CHRNE: variants seen among roughly 807,000 people sequenced by gnomAD.
The protein encoded by CHRNE is acetylcholine receptor subunit epsilon.
In CHRNE, 58 loss-of-function variants were observed where a neutral mutation model predicts 56.5. The observed-to-expected ratio is 1.03, with a 90% CI of 0.83 to 1.28. The LOEUF (loss-of-function observed/expected upper bound fraction) is 1.28. CHRNE is among the 50% of genes most tolerant of loss of function. CHRNE has a pLI of 0.00. For missense variants in CHRNE, 793 were observed against 688.9 expected (o/e 1.15, Z -1.69); for synonymous variants, 385 against 297.9 (o/e 1.29, Z -3.01).
In CHRNE at chr17:4,898,770, G is replaced by C; in HGVS notation, c.1448C>G (p.Pro483Arg). The C allele has an allele frequency of 6.2e-7, 1 of 1,610,906 alleles. No individual in the cohort carries two copies. The highest frequency in any genetic ancestry group is 8.5e-7 in the Non-Finnish European group (1 of 1,178,958). ...GATACACGGCGCGTAGGGGAGATCAGGCACTCGGTTGAAGTAGGCCCCGAG... is the reference window on the plus strand; with the variant it reads ...GATACACGGCGCGTAGGGGAGATCACGCACTCGGTTGAAGTAGGCCCCGAG... ...IFLGAYFNRVPDLPYAPCIQP is the reference protein window; with the variant it reads ...IFLGAYFNRVRDLPYAPCIQP Residue 483 changes from proline (P) to arginine (R), a missense_variant, in exon 12 of 12, where the codon CCT (proline) becomes CGT (arginine). By Grantham distance (103) the Pro-to-Arg change is moderately radical. Transcript: ENST00000649488.
chr17:4,903,140 G>A, upstream of CHRNE: 1 of 1,455,572 alleles, frequency 6.9e-7, no homozygotes, highest in South Asian at 1.2e-5. Flanking sequence ...TGTGTGAGGG[G>A]GAGGAGGGTG....
At chr17:4,904,003 GCA>G (rs1970055849), upstream of CHRNE, among the ~76,000 whole-genome samples, 2 of 152,136 alleles carry the variant, frequency 1.3e-5, no homozygotes, top group African/African-American at 4.8e-5. Flanking sequence ...GACTACAGGC[GCA>G]TGCCACCATG....
chr17:4,897,888 C>CCCTT lies in CHRNE; in HGVS notation c.*844_*847dup, dbSNP rs1478245676. 1 of 150,990 alleles carries CCCTT rather than the reference C, an allele frequency of 6.6e-6. No homozygotes were observed. Among genetic ancestry groups the CCCTT allele is most frequent in the African/African-American group, 2.4e-5 (1 of 41,274 alleles). 9.4% of individuals were successfully genotyped at this position (150,990 alleles called of 1,614,324 possible). ...CCCCCCTCTCCTCTTCTAGCCCATG[C>CCCTT]CCTTCCCCGGTGGAGGGAGGGAGCA... On this transcript the variant is annotated 3_prime_UTR_variant, in exon 12 of 12. Transcript: ENST00000649488.
chr17:4,904,212 G>C (rs140258635), upstream of CHRNE, among the ~76,000 whole-genome samples: 864 of 147,862 alleles, frequency 5.8e-3, 9 homozygotes, highest in African/African-American at 0.021. Context: ...TGCAGGGGGT[G>C]GGGGGACAGG....
chr17:4,904,275 C>T (rs574429078), upstream of CHRNE, among the ~76,000 whole-genome samples: 3 of 151,922 alleles, frequency 2.0e-5, no homozygotes, highest in South Asian at 2.1e-4. Context: ...TAGTTCACTG[C>T]GGCTCTCAAA....
At chr17:4,900,432 C>T in intron 8 of CHRNE, 3 of 1,551,032 alleles carry the variant, frequency 1.9e-6, no homozygotes, top group Non-Finnish European at 2.6e-6. Flanking sequence ...CCTGTGTGGA[C>T]GGGGTCTGCA....
chr17:4,901,716 C>G (rs751795863), intron 5 of CHRNE, 91 bp from the exon 6 acceptor site: 191 of 1,374,234 alleles, frequency 1.4e-4, no homozygotes, highest in Non-Finnish European at 1.9e-4. Context: ...CTAGCGGGGC[C>G]GCGATCCCAA....
At chr17:4,903,120 C>A (rs1180451106), upstream of CHRNE, 3 of 1,589,532 alleles carry the variant, frequency 1.9e-6, no homozygotes, top group Admixed American at 1.7e-5. Context: ...AGGGGGCATG[C>A]CAGGGTGCCT....
At position 4,901,574 on chromosome 17, in the gene CHRNE, GTTGTCTACGGCAAAAGTGAACTC is replaced by G. The variant is rs758687208; in HGVS notation, c.529_551del (p.Glu177ArgfsTer17). The G allele has an allele frequency of 6.8e-6, 11 of 1,614,022 alleles. No individual in the cohort carries two copies. Among genetic ancestry groups the G allele is most frequent in the African/African-American group, 2.7e-5 (2 of 74,930 alleles). ...CGATCTTGTTGATGGTCTTGCCGTC[GTTGTCTACGGCAAAAGTGAACTC>G]CACCTCTTCGGCATTGTACGTCTGA... is the stretch of plus-strand genomic sequence containing the variant. On this transcript the variant is annotated frameshift_variant, in exon 6 of 12. Transcript: ENST00000649488. LOFTEE classifies it high-confidence loss of function.
intron 10 of CHRNE, 28 bp downstream of exon 10, chr17:4,899,170 C>A: frequency 6.3e-7 from 1 of 1,591,478 alleles, no homozygotes; most frequent in East Asian, 2.3e-5. Context: ...CCCCGCGCGG[C>A]CCCCCGGGCC....
upstream of CHRNE, among the ~76,000 whole-genome samples, chr17:4,907,566 CAAAAAAAAAAAAA>C (rs34317332): frequency 4.9e-5 from 3 of 61,066 alleles, no homozygotes; most frequent in African/African-American, 2.1e-4. Flanking sequence ...GACTCAGTCT[CAAAAAAAAAAAAA>C]AAAAAAAAAA....
intron 8 of CHRNE, 44 bp downstream of exon 8, chr17:4,900,749 C>G (rs1027597321): frequency 6.3e-7 from 1 of 1,577,106 alleles, no homozygotes; most frequent in Non-Finnish European, 8.7e-7. Flanking sequence ...GCCACGCCCC[C>G]ACCCTTCACA....
At position 4,901,138 on chromosome 17, in the gene CHRNE, G is replaced by A. The variant is rs751388919; in HGVS notation, c.654C>T (p.His218=). ...DFCPGVIRRH[H]GGATDGPGET... ...CCCCTGGGCCGTCGGTGGCGCCACCGTGGTGGCGGCGGATCACCCCCGGGC... is the reference window on the plus strand; with the variant it reads ...CCCCTGGGCCGTCGGTGGCGCCACCATGGTGGCGGCGGATCACCCCCGGGC... Residue 218 remains histidine, a synonymous_variant, in exon 7 of 12, where the codon CAC becomes CAT. Transcript: ENST00000649488. 3.1e-6 allele frequency: 5 copies of A among 1,612,010 alleles called. No homozygotes were observed. The highest frequency in any genetic ancestry group is 1.1e-5 in the South Asian group (1 of 91,076).
In CHRNE at chr17:4,899,028, G is replaced by A. The variant is rs773970037; in HGVS notation, c.1299C>T (p.Ser433=). 8.7e-6 allele frequency: 14 copies of A among 1,609,436 alleles called. No homozygotes were observed. Among genetic ancestry groups the A allele is most frequent in the African/African-American group, 2.7e-5 (2 of 74,914 alleles). ...CVDAVNFVAE[S]TRDQEATGEE... is the part of the protein sequence containing the mutation. ...CGCCGGTGGCCTCCTGATCTCTCGT[G>A]CTCTCGGCCACGAAGTTCACGGCAT... The change falls in exon 11 of 12, where the codon AGC becomes AGT. Residue 433 remains serine, a synonymous_variant. Coordinates refer to ENST00000649488, the MANE Select transcript of CHRNE (RefSeq NM_000080.4).
chr17:4,900,394 G>A (rs922811931), intron 8 of CHRNE: 4 of 1,550,330 alleles, frequency 2.6e-6, no homozygotes, highest in Non-Finnish European at 3.5e-6. Flanking sequence ...GCCAGCGCCC[G>A]GCTCCTAGTC....
intron 8 of CHRNE, 188 bp downstream of exon 8, chr17:4,900,605 C>A: frequency 6.5e-7 from 1 of 1,530,658 alleles, no homozygotes; most frequent in South Asian, 1.2e-5. Flanking sequence ...GGGAGACCTC[C>A]AGGTGACGTC....
Position 4,901,526 on chromosome 17 carries a change from A to G in CHRNE, c.600T>C (p.Thr200=). The stretch of plus-strand genomic sequence containing the variant: ...TTTCTGAGCAGGCAGGGGCTTCACC[A>G]GTATAGGCCTCTGTGTCGATGTCGA... ...NKIDIDTEAY[T]ENGEWAIDFC... is the part of the protein sequence containing the mutation. The change falls in exon 6 of 12, where the codon ACT becomes ACC. Residue 200 remains threonine, a splice_region_variant and synonymous_variant. Coordinates refer to ENST00000649488, the MANE Select transcript of CHRNE (RefSeq NM_000080.4). 6.2e-7 allele frequency: 1 copy of G among 1,613,954 alleles called. No homozygotes were observed. Among genetic ancestry groups the G allele is most frequent in the Non-Finnish European group, 8.5e-7 (1 of 1,179,798 alleles).
chr17:4,900,435 G>T (rs939311285), intron 8 of CHRNE: 10 of 1,550,822 alleles, frequency 6.4e-6, no homozygotes, highest in Non-Finnish European at 8.7e-6. Flanking sequence ...GTGTGGACGG[G>T]GTCTGCAGGG....
In CHRNE at chr17:4,899,355, C is replaced by G; in HGVS notation, c.1062G>C (p.Leu354=). ...GGGCCTCGGGCGGCGGCGGGGAGCCCAGGAGGCGCGGCAGCAGCTCCAGGA... is the reference window on the plus strand; with the variant it reads ...GGGCCTCGGGCGGCGGCGGGGAGCCGAGGAGGCGCGGCAGCAGCTCCAGGA... ...HVLLELLPRL[L]GSPPPPEAPR... is the part of the protein sequence containing the mutation. The change falls in exon 10 of 12, where the codon CTG becomes CTC. Residue 354 remains leucine, a synonymous_variant. Coordinates refer to ENST00000649488, the MANE Select transcript of CHRNE (RefSeq NM_000080.4). The G allele has an allele frequency of 6.5e-7, 1 of 1,538,260 alleles. No homozygotes were observed. The highest frequency in any genetic ancestry group is 8.7e-7 in the Non-Finnish European group (1 of 1,148,040).
Sources: gnomAD v4.1 joint callset for allele counts (sites outside exome capture counted in the v4.1 genomes callset) on GRCh38, gnomAD v4.1.1 for gene constraint, MANE v1.5 for transcripts, NCBI Gene and HGNC (gene_info 2026-07-23, HGNC 2026-07-21) for gene names.